Variants in SH3D21 observed in about 807,000 individuals in gnomAD.
SH3D21 encodes the protein manchette microtubule inner protein 1, also known as SH3 domain-containing protein 21.
SH3D21 carries 83 observed loss-of-function variants against 82.1 expected under a neutral mutation model. That is an observed-to-expected ratio of 1.01 (90% CI 0.85 to 1.21). The LOEUF is 1.21. Ranked by LOEUF, SH3D21 falls within the 50% of genes most tolerant of loss-of-function variation. The pLI is 0.00. For missense variants in SH3D21, 980 were observed against 962.1 expected, an observed-to-expected ratio of 1.02 and a Z score of -0.25; for synonymous variants, 383 against 387.8, an observed-to-expected ratio of 0.99 and a Z score of 0.15.
intron 10 of SH3D21, among the ~76,000 whole-genome samples, chr1:36,314,777 A>G (rs1646310394): frequency 1.3e-5 from 2 of 152,078 alleles, no homozygotes; most frequent in Non-Finnish European, 2.9e-5. Context: ...CTTGATGTAC[A>G]AAAGTTTTAA....
Position 36,306,754 on chromosome 1 carries a change from A to T in SH3D21, c.161A>T (p.Gln54Leu), listed in dbSNP as rs1322745133. 6.2e-6 allele frequency: 8 copies of T among 1,289,550 alleles called. No individual in the cohort carries two copies. Among genetic ancestry groups the T allele is most frequent in the Non-Finnish European group, 8.1e-6 (8 of 987,042 alleles). 79.9% of individuals were successfully genotyped at this position (1,289,550 alleles called of 1,614,324 possible). The change falls in exon 2 of 16, where the codon CAG becomes CTG. Residue 54 changes from glutamine (Q) to leucine (L), a missense_variant and splice_region_variant. Transcript: ENST00000453908. The surrounding 1 kb of genome is among the most constrained non-coding windows in gnomAD (Gnocchi z 4.5). Reference protein sequence around the residue: ...RYGLFPERLVQEIPETLRGSG... With the variant: ...RYGLFPERLVLEIPETLRGSG... ...GGCCTCTTCCCCGAGCGCCTGGTGC[A>T]GGTGAGGCCGAGCCAGGGGCGGGCT...
intron 10 of SH3D21, among the ~76,000 whole-genome samples, chr1:36,310,587 C>T (rs1457925985): frequency 1.3e-5 from 2 of 149,718 alleles, no homozygotes; most frequent in Admixed American, 6.7e-5. Context: ...TGTATGCCAG[C>T]GTAGGTGAGA....
intron 10 of SH3D21, among the ~76,000 whole-genome samples, chr1:36,313,992 T>TTTTTTTTTTTTTTA (rs71053921): frequency 1.9e-5 from 2 of 106,772 alleles, no homozygotes; most frequent in South Asian, 3.5e-4. Flanking sequence ...TTTTTTTTTT[T>TTTTTTTTTTTTTTA]GAGACGGAGT....
Position 36,321,202 on chromosome 1 carries a change from G to T in SH3D21, c.*75G>T. On this transcript the variant is annotated 3_prime_UTR_variant, in exon 16 of 16. Transcript: ENST00000453908. The surrounding 1 kb of genome is among the most constrained non-coding windows in gnomAD (Gnocchi z 6.1). ...GTCCTTGCACACGACTTTGGGAAAC[G>T]CGAGAAAGTAAACTCTGCCTAGCAC... 6.4e-7 allele frequency: 1 copy of T among 1,552,552 alleles called. No individual in the cohort carries two copies. The highest frequency in any genetic ancestry group is 8.7e-7 in the Non-Finnish European group (1 of 1,149,092).
chr1:36,327,357 C>T (rs962031089), downstream of SH3D21, among the ~76,000 whole-genome samples: 2 of 152,200 alleles, frequency 1.3e-5, no homozygotes, highest in Non-Finnish European at 2.9e-5. Context: ...CTGCCATCCA[C>T]GGGAATATCG....
Position 36,307,285 on chromosome 1 carries a change from G to A in SH3D21, c.345G>A (p.Glu115=). ...QAGEIVEMIK[E]IEDGWWLGKK... Reference sequence around the variant, plus strand: ...GGGAGATCGTGGAAATGATAAAGGAGGTGAGGGGTGAGGTGATGGGACCGT... The same window carrying A: ...GGGAGATCGTGGAAATGATAAAGGAAGTGAGGGGTGAGGTGATGGGACCGT... The change falls in exon 4 of 16, where the codon GAG becomes GAA. Residue 115 remains glutamate, a splice_region_variant and synonymous_variant. Coordinates refer to ENST00000453908, the MANE Select transcript of SH3D21 (RefSeq NM_001162530.2). The surrounding 1 kb of genome is among the most constrained non-coding windows in gnomAD (Gnocchi z 5.4). 1 of 1,551,884 alleles carries A rather than the reference G, an allele frequency of 6.4e-7. No homozygotes were observed. The highest frequency in any genetic ancestry group is 8.7e-7 in the Non-Finnish European group (1 of 1,147,036).
chr1:36,329,096 C>T (rs1298755126), downstream of SH3D21: 1 of 152,288 alleles, frequency 6.6e-6, no homozygotes, highest in East Asian at 1.9e-4. Flanking sequence ...ATAATGCTTG[C>T]TGTTGCTCCC....
rs151006157 is a variant in SH3D21, at chr1:36,320,151, C to T, written c.1488C>T (p.Ser496=). 216 of 1,613,750 alleles carry T rather than the reference C, an allele frequency of 1.3e-4. No homozygotes were observed. The highest frequency in any genetic ancestry group is 1.7e-4 in the Non-Finnish European group (203 of 1,180,052). The stretch of plus-strand genomic sequence containing the variant: ...CAGAGCTTTCTGAAGAAGAGGTGTC[C>T]ACCAGAGATGACATTCAATTCCATC... ...LTPELSEEEV[S]TRDDIQFHHF... Residue 496 remains serine, a synonymous_variant, in exon 14 of 16, where the codon TCC becomes TCT. Coordinates refer to ENST00000453908, the MANE Select transcript of SH3D21 (RefSeq NM_001162530.2).
intron 10 of SH3D21, among the ~76,000 whole-genome samples, chr1:36,315,849 C>T (rs1361927995): frequency 6.6e-6 from 1 of 152,206 alleles, no homozygotes; most frequent in African/African-American, 2.4e-5. Context: ...CTCTGTAACC[C>T]TGTACCAGTA....
chr1:36,323,333 G>T (rs1646500695), downstream of SH3D21: 1 of 380,226 alleles, frequency 2.6e-6, no homozygotes, highest in Non-Finnish European at 4.7e-6. Context: ...CCGCCGTCCC[G>T]GGGCGGGATG....
Position 36,307,875 on chromosome 1 carries a change from G to A in SH3D21, c.493-43G>A, listed in dbSNP as rs1396123394. The stretch of plus-strand genomic sequence containing the variant: ...GAGGTGGTGAGTTCCTCTTGGGGTG[G>A]TTGGAGGCTCATCTAGTTCCTCCCT... On this transcript the variant is annotated intron_variant, in intron 6 of 15. Coordinates refer to ENST00000453908, the MANE Select transcript of SH3D21 (RefSeq NM_001162530.2). The surrounding 1 kb of genome is among the most constrained non-coding windows in gnomAD (Gnocchi z 5.4). 8 of 1,551,586 alleles carry A rather than the reference G, an allele frequency of 5.2e-6. No individual in the cohort carries two copies. The Admixed American group carries it at 7.8e-5, about 15-fold the overall frequency.
chr1:36,328,549 T>A, downstream of SH3D21: 1 of 213,412 alleles, frequency 4.7e-6, no homozygotes, highest in Non-Finnish European at 9.7e-6. Flanking sequence ...GGTGTGCAGA[T>A]CACTGAAGTC....
At chr1:36,325,761 G>A (rs181660503), downstream of SH3D21, among the ~76,000 whole-genome samples, 595 of 152,256 alleles carry the variant, frequency 3.9e-3, 2 homozygotes, top group Non-Finnish European at 7.2e-3. Flanking sequence ...AGCCAGGATG[G>A]TCTCGATCTG....
At position 36,321,033 on chromosome 1, in the gene SH3D21, G is replaced by T. The variant is rs745879398; in HGVS notation, c.2200-23G>T. 10 of 1,604,930 alleles carry T rather than the reference G, an allele frequency of 6.2e-6. No homozygotes were observed. The African/African-American group carries it at 1.3e-4, about 21-fold the overall frequency. The stretch of plus-strand genomic sequence containing the variant: ...TGACGGCGAGTGGCCCCCTGACAAA[G>T]TCTCCACCTCACTCCCGACCAGGTC... On this transcript the variant is annotated intron_variant, in intron 15 of 15. Transcript: ENST00000453908. This position sits in a 1 kb window ranked among gnomAD's most constrained non-coding sequence, Gnocchi z 6.1.
chr1:36,323,026 C>G, downstream of SH3D21: 1 of 1,599,818 alleles, frequency 6.3e-7, no homozygotes, highest in Non-Finnish European at 8.5e-7. Context: ...TGTCCCTTCG[C>G]GGGGCATCCA....
Position 36,307,220 on chromosome 1 carries a change from T to A in SH3D21, c.280T>A (p.Tyr94Asn). Residue 94 changes from tyrosine (Y) to asparagine (N), a missense_variant, in exon 4 of 16, where the codon TAC (tyrosine) becomes AAC (asparagine). By Grantham distance (143) the Tyr-to-Asn change is moderately radical. Coordinates refer to ENST00000453908, the MANE Select transcript of SH3D21 (RefSeq NM_001162530.2). The surrounding 1 kb of genome is among the most constrained non-coding windows in gnomAD (Gnocchi z 5.4). ...AAGATGGTGCAAAGTGAACTTCAGCTACAGCCCAGAGCAGGCGGACGAGCT... is the reference window on the plus strand; with the variant it reads ...AAGATGGTGCAAAGTGAACTTCAGCAACAGCCCAGAGCAGGCGGACGAGCT... Reference protein sequence around the residue: ...PQRWCKVNFSYSPEQADELKL... With the variant: ...PQRWCKVNFSNSPEQADELKL... 1 of 1,551,760 alleles carries A rather than the reference T, an allele frequency of 6.4e-7. No homozygotes were observed. Among genetic ancestry groups the A allele is most frequent in the Non-Finnish European group, 8.7e-7 (1 of 1,147,002 alleles).
downstream of SH3D21, chr1:36,321,779 G>A: frequency 2.0e-6 from 2 of 1,002,180 alleles, no homozygotes; most frequent in South Asian, 4.4e-5. The surrounding 1 kb of genome is among the most constrained non-coding windows in gnomAD (Gnocchi z 6.1). Flanking sequence ...GCGTTTGCCG[G>A]TAAGGAATGC....
At chr1:36,322,121 C>G (rs1309642114), downstream of SH3D21, 5 of 1,350,166 alleles carry the variant, frequency 3.7e-6, no homozygotes, top group Non-Finnish European at 4.8e-6. Flanking sequence ...GCCCCCTCCC[C>G]GCCCCCGGGG....
chr1:36,316,487 G>A (rs1407284801), intron 10 of SH3D21, among the ~76,000 whole-genome samples: 2 of 152,168 alleles, frequency 1.3e-5, no homozygotes, highest in Admixed American at 6.5e-5. Flanking sequence ...CACTTGCCTC[G>A]GTCTCCCAAA....
Sources: allele counts gnomAD v4.1 joint callset (sites outside exome capture counted in the v4.1 genomes callset), GRCh38; gene constraint gnomAD v4.1.1; non-coding constraint Gnocchi (gnomAD v3.1); transcripts MANE v1.5; gene names NCBI Gene and HGNC (gene_info 2026-07-23, HGNC 2026-07-21).